Variants in UBE3C observed in about 807,000 individuals in gnomAD.
The protein encoded by UBE3C is ubiquitin-protein ligase E3C.
UBE3C carries 42 observed loss-of-function variants against 129.4 expected under a neutral mutation model. That is an observed-to-expected ratio of 0.32 (90% CI 0.25 to 0.42). The LOEUF (loss-of-function observed/expected upper bound fraction) is 0.42, where lower values mean the gene tolerates loss of function less well. Ranked by LOEUF, UBE3C falls within the 10% of genes least tolerant of loss-of-function variation. The pLI, the probability that UBE3C is intolerant of heterozygous loss-of-function variation, is 1.00. For missense variants in UBE3C, 1,049 were observed against 1,319.1 expected (o/e 0.80, Z 3.17); for synonymous variants, 510 against 492.4 (o/e 1.04, Z -0.47).
At chr7:157,154,193 C>A (rs977524290) in intron 1 of UBE3C, among the ~76,000 whole-genome samples, 1 of 151,632 alleles carries the variant, frequency 6.6e-6, no homozygotes, top group Non-Finnish European at 1.5e-5. Context: ...TGGTGGCAGG[C>A]GGCTGTAATC....
Position 157,225,669 on chromosome 7 carries a change from C to T in UBE3C, c.2233+130C>T, listed in dbSNP as rs1795855304. On this transcript the variant is annotated intron_variant, in intron 17 of 22. Coordinates refer to ENST00000348165, the MANE Select transcript of UBE3C (RefSeq NM_014671.3). ...ATGACTTAAAAACTGAAATGTGAGG[C>T]TGGGCATGGCAGCTCACACCTATAA... 19 of 1,061,546 alleles carry T rather than the reference C, an allele frequency of 1.8e-5. 1 individual carries two copies. The South Asian group carries it at 3.7e-4, about 21-fold the overall frequency. The allele number at this position is 1,061,546 out of a possible 1,614,324, so 65.8% of individuals were successfully genotyped here. A position where few individuals can be genotyped will look rare whatever the true frequency, so the allele number is the denominator to read the frequency against.
chr7:157,236,032 T>C (rs557945879), intron 18 of UBE3C, among the ~76,000 whole-genome samples: 1 of 152,352 alleles, frequency 6.6e-6, no homozygotes, highest in Non-Finnish European at 1.5e-5. Flanking sequence ...TAGTGATTGT[T>C]TACTGTGATA....
chr7:157,159,880 T>G (rs1808022135), intron 1 of UBE3C, among the ~76,000 whole-genome samples: 1 of 152,208 alleles, frequency 6.6e-6, no homozygotes. Flanking sequence ...ATCAGAATTC[T>G]TTGGTTAATA....
chr7:157,229,066 C>T (rs1795952930), intron 17 of UBE3C, among the ~76,000 whole-genome samples: 1 of 152,206 alleles, frequency 6.6e-6, no homozygotes, highest in African/African-American at 2.4e-5. Context: ...GGCAGCAGCG[C>T]ATGGGGCCTG....
intron 2 of UBE3C, among the ~76,000 whole-genome samples, chr7:157,167,631 G>A (rs1446968487): frequency 6.6e-6 from 1 of 151,546 alleles, no homozygotes; most frequent in African/African-American, 2.4e-5. Context: ...TCCACCTCCC[G>A]GGTTCACGCC....
intron 1 of UBE3C, among the ~76,000 whole-genome samples, chr7:157,154,850 A>C (rs1226043994): frequency 6.6e-6 from 1 of 152,188 alleles, no homozygotes; most frequent in African/African-American, 2.4e-5. Flanking sequence ...TGTGATTGTA[A>C]AATAATATTT....
chr7:157,208,054 ACTTTTTTTTTTTTTT>A, intron 13 of UBE3C, 119 bp downstream of exon 13: 1 of 114,768 alleles, frequency 8.7e-6, no homozygotes, highest in East Asian at 2.1e-4. Context: ...AATTTGCAAG[ACTTTTTTTTTTTTTT>A]TTTTTTTTTT....
At chr7:157,186,027 A>T (rs1249120922) in intron 9 of UBE3C, among the ~76,000 whole-genome samples, 1 of 152,318 alleles carries the variant, frequency 6.6e-6, no homozygotes, top group East Asian at 1.9e-4. Flanking sequence ...TTACTGCCCC[A>T]AATGAGTAAA....
Position 157,174,946 on chromosome 7 carries a change from C to G in UBE3C, c.370C>G (p.His124Asp). 1 of 1,612,284 alleles carries G rather than the reference C, an allele frequency of 6.2e-7. No homozygotes were observed. The highest frequency in any genetic ancestry group is 1.3e-5 in the African/African-American group (1 of 74,922). ...LIWLYQNLIK[H>D]SSLFVKQLDG... ...ATGGCTGTATCAGAACTTAATTAAA[C>G]ACAGCTCTCTGTTTGTCAAGCAGTT... The change falls in exon 5 of 23, where the codon CAC becomes GAC. Residue 124 changes from histidine to aspartate, a missense_variant. Physicochemically the swap from His to Asp is moderately conservative, Grantham distance 81. Coordinates refer to ENST00000348165, the MANE Select transcript of UBE3C (RefSeq NM_014671.3).
intron 3 of UBE3C, among the ~76,000 whole-genome samples, chr7:157,169,836 A>G (rs1349239376): frequency 2.6e-5 from 4 of 152,104 alleles, no homozygotes; most frequent in Non-Finnish European, 5.9e-5. Context: ...GCATACCACC[A>G]CAGCTGGCTA....
At chr7:157,220,405 A>G (rs146041717) in intron 14 of UBE3C, among the ~76,000 whole-genome samples, 10 of 152,354 alleles carry the variant, frequency 6.6e-5, no homozygotes, top group African/African-American at 2.4e-4. Flanking sequence ...TAAAGCAATT[A>G]TATTATTTTA....
chr7:157,219,216 C>A (rs1220308820), intron 14 of UBE3C, among the ~76,000 whole-genome samples: 1 of 152,220 alleles, frequency 6.6e-6, no homozygotes, highest in Non-Finnish European at 1.5e-5. Flanking sequence ...ATGCAAATAG[C>A]TGCACCTCTT....
intron 13 of UBE3C, among the ~76,000 whole-genome samples, chr7:157,209,565 G>A (rs959591216): frequency 3.3e-5 from 5 of 152,056 alleles, no homozygotes; most frequent in African/African-American, 4.8e-5. Context: ...GGGTGTTAAC[G>A]GTAGCATATT....
Position 157,201,707 on chromosome 7 carries a change from C to T in UBE3C, c.1332-14C>T. ...TGCTTTACTGTTCTGTGTTTTTCTC[C>T]TATTCCTTTTTAGGCTTCTCTACAG... On this transcript the variant is annotated splice_polypyrimidine_tract_variant and intron_variant, in intron 10 of 22. Transcript: ENST00000348165. The T allele has an allele frequency of 4.4e-6, 6 of 1,353,146 alleles. No individual in the cohort carries two copies. Among genetic ancestry groups the T allele is most frequent in the Non-Finnish European group, 4.9e-6 (5 of 1,021,718 alleles). The allele number at this position is 1,353,146 out of a possible 1,614,324, so 83.8% of individuals were successfully genotyped here.
At chr7:157,156,300 C>CTTTTTTTTTTT (rs1173730075) in intron 1 of UBE3C, among the ~76,000 whole-genome samples, 6 of 85,886 alleles carry the variant, frequency 7.0e-5, no homozygotes, top group Middle Eastern at 0.01. Flanking sequence ...ACCCCCAGTT[C>CTTTTTTTTTTT]TTTTTTTTTT....
At chr7:157,175,887 GGCGAGATA>G (rs1563041218) in intron 5 of UBE3C, among the ~76,000 whole-genome samples, 1 of 152,050 alleles carries the variant, frequency 6.6e-6, no homozygotes, top group Non-Finnish European at 1.5e-5. Flanking sequence ...TTATGTAAAT[GGCGAGATA>G]GCAAATATTT....
intron 19 of UBE3C, among the ~76,000 whole-genome samples, chr7:157,248,991 C>T (rs1227318610): frequency 6.6e-6 from 1 of 152,162 alleles, no homozygotes; most frequent in Admixed American, 6.5e-5. Flanking sequence ...GTTCATTACC[C>T]ATCTGGTTAC....
intron 1 of UBE3C, among the ~76,000 whole-genome samples, chr7:157,141,633 T>C (rs1446625971): frequency 1.3e-5 from 2 of 152,206 alleles, no homozygotes; most frequent in East Asian, 3.8e-4. Flanking sequence ...GACCACGGTG[T>C]ATATGTGGTC....
chr7:157,234,915 G>T (rs1390486858), intron 18 of UBE3C, among the ~76,000 whole-genome samples: 1 of 152,218 alleles, frequency 6.6e-6, no homozygotes, highest in Non-Finnish European at 1.5e-5. Flanking sequence ...CAATGGGCCA[G>T]GCATGGTGGA....
Sources: gnomAD v4.1 joint callset for allele counts (sites outside exome capture counted in the v4.1 genomes callset) on GRCh38, gnomAD v4.1.1 for gene constraint, MANE v1.5 for transcripts, NCBI Gene and HGNC (gene_info 2026-07-23, HGNC 2026-07-21) for gene names.